The following RFX3 variants were observed in gnomAD, a reference collection of about 807,000 sequenced individuals.
RFX3 encodes the protein regulatory factor X3.
RFX3 carries 14 observed loss-of-function variants against 98.6 expected under a neutral mutation model. The ratio of observed to expected loss-of-function variants is 0.14; its 90% CI spans 0.09 to 0.22. The LOEUF (loss-of-function observed/expected upper bound fraction) is 0.22, where lower values mean the gene tolerates loss of function less well. Among genes scored for constraint, RFX3 ranks in the 10% least tolerant of loss-of-function variants. RFX3 has a pLI of 1.00. For missense variants in RFX3, 639 were observed against 926.9 expected, an observed-to-expected ratio of 0.69 and a Z score of 4.03; for synonymous variants, 383 against 328.4, an observed-to-expected ratio of 1.17 and a Z score of -1.80.
intron 2 of RFX3, among the ~76,000 whole-genome samples, chr9:3,353,888 C>G (rs1236990502): frequency 2.0e-5 from 3 of 151,906 alleles, no homozygotes; most frequent in Admixed American, 6.6e-5. Context: ...AATGAACTAG[C>G]AGGCAGAAAC....
chr9:3,409,195 T>C (rs539425801), intron 1 of RFX3, among the ~76,000 whole-genome samples: 17 of 152,362 alleles, frequency 1.1e-4, no homozygotes, highest in South Asian at 4.1e-4. Context: ...CAAAGTGTTA[T>C]AAATGTTTTG....
At chr9:3,317,868 A>C (rs1830807395) in intron 4 of RFX3, among the ~76,000 whole-genome samples, 1 of 152,168 alleles carries the variant, frequency 6.6e-6, no homozygotes, top group African/African-American at 2.4e-5. Flanking sequence ...AAAGTCAGGA[A>C]ACAACAGGTG....
chr9:3,228,326 G>C (rs899030959), intron 16 of RFX3, among the ~76,000 whole-genome samples: 11 of 152,036 alleles, frequency 7.2e-5, no homozygotes, highest in Non-Finnish European at 1.3e-4. Context: ...CTGTATATTA[G>C]AGTGGCAATG....
At chr9:3,310,576 G>A (rs1262905652) in intron 4 of RFX3, among the ~76,000 whole-genome samples, 1 of 152,082 alleles carries the variant, frequency 6.6e-6, no homozygotes, top group Non-Finnish European at 1.5e-5. Context: ...ATAGTACAAT[G>A]CTTTATGAAT....
At chr9:3,324,071 G>A in intron 4 of RFX3, 1 of 444,400 alleles carries the variant, frequency 2.3e-6, no homozygotes, top group South Asian at 1.7e-5. Context: ...TGTCTGAGGA[G>A]TTTCATTTCA....
In RFX3 at chr9:3,220,104, C is replaced by T. The variant is rs1421841320; in HGVS notation, c.*4938G>A. 6.6e-6 allele frequency: 1 copy of T among 152,162 alleles called. No individual in the cohort carries two copies. Among genetic ancestry groups the T allele is most frequent in the East Asian group, 1.9e-4 (1 of 5,192 alleles). The allele number at this position is 152,162 out of a possible 1,614,324, so 9.4% of individuals were successfully genotyped here. On this transcript the variant is annotated 3_prime_UTR_variant, in exon 17 of 17. Coordinates refer to ENST00000617270, the MANE Select transcript of RFX3 (RefSeq NM_001282116.2). ...AAAATCAAGTGCTTTGCTCTCCATTCTATCTATATATAATTTTTTGACAAC... is the reference window on the plus strand; with the variant it reads ...AAAATCAAGTGCTTTGCTCTCCATTTTATCTATATATAATTTTTTGACAAC...
At chr9:3,288,654 G>A (rs117901136) in intron 6 of RFX3, among the ~76,000 whole-genome samples, 1,840 of 152,076 alleles carry the variant, frequency 0.012, 77 homozygotes, top group East Asian at 0.085. Context: ...AATGGAATAC[G>A]TATTTATTGT....
At chr9:3,358,719 G>A (rs145225410) in intron 2 of RFX3, among the ~76,000 whole-genome samples, 10,780 of 152,000 alleles carry the variant, frequency 0.071, 471 homozygotes, top group African/African-American at 0.12. Context: ...ACCTGAGACT[G>A]GGTAATTTAT....
chr9:3,496,098 G>A (rs1851089885), intron 1 of RFX3, among the ~76,000 whole-genome samples: 1 of 151,938 alleles, frequency 6.6e-6, no homozygotes, highest in Non-Finnish European at 1.5e-5. Context: ...ACATTGTAAG[G>A]TGCTTACACA....
chr9:3,334,107 C>A (rs73381858), intron 3 of RFX3, among the ~76,000 whole-genome samples: 1 of 152,100 alleles, frequency 6.6e-6, no homozygotes, highest in African/African-American at 2.4e-5. Context: ...AAAAAAAGAA[C>A]ATAACTTTTT....
chr9:3,265,329 A>G (rs368214333), intron 12 of RFX3, among the ~76,000 whole-genome samples: 36 of 152,330 alleles, frequency 2.4e-4, no homozygotes, highest in African/African-American at 8.7e-4. Flanking sequence ...GTTGCCTTCT[A>G]TATGTTTTAG....
chr9:3,327,746 T>C (rs1587090095), intron 4 of RFX3, among the ~76,000 whole-genome samples: 1 of 152,118 alleles, frequency 6.6e-6, no homozygotes. Flanking sequence ...TTTTCAACTA[T>C]TCCCAGTTTT....
At chr9:3,399,784 T>TACTAAA (rs1841294563) in intron 1 of RFX3, among the ~76,000 whole-genome samples, 1 of 151,590 alleles carries the variant, frequency 6.6e-6, no homozygotes, top group African/African-American at 2.4e-5. Flanking sequence ...ACCCCGCCTC[T>TACTAAA]ACTAAAATAC....
At chr9:3,291,040 A>G (rs1827263340) in intron 6 of RFX3, among the ~76,000 whole-genome samples, 1 of 152,178 alleles carries the variant, frequency 6.6e-6, no homozygotes, top group Non-Finnish European at 1.5e-5. Context: ...TTATTTTTGA[A>G]GACACAGGGA....
At chr9:3,399,262 C>A (rs1841231162) in intron 1 of RFX3, among the ~76,000 whole-genome samples, 1 of 148,760 alleles carries the variant, frequency 6.7e-6, no homozygotes, top group Admixed American at 6.7e-5. Context: ...CGGTGAAACC[C>A]TGTCTCTGCT....
chr9:3,414,865 T>TAA (rs1309851396), intron 1 of RFX3, among the ~76,000 whole-genome samples: 1 of 137,784 alleles, frequency 7.3e-6, no homozygotes, highest in African/African-American at 2.7e-5. Flanking sequence ...TGAGTATATA[T>TAA]GTATATATAT....
intron 4 of RFX3, among the ~76,000 whole-genome samples, chr9:3,328,672 T>C (rs1832212931): frequency 6.6e-6 from 1 of 152,130 alleles, no homozygotes; most frequent in Non-Finnish European, 1.5e-5. Flanking sequence ...AAAGAGTTTT[T>C]TAAAAATAAA....
At chr9:3,295,831 A>C (rs1827920131) in intron 5 of RFX3, among the ~76,000 whole-genome samples, 1 of 152,076 alleles carries the variant, frequency 6.6e-6, no homozygotes, top group African/African-American at 2.4e-5. Context: ...GGAATTAGTC[A>C]ATCTTATAAT....
At chr9:3,266,373 A>C in intron 11 of RFX3, 68 bp from the exon 12 acceptor site, 1 of 1,001,064 alleles carries the variant, frequency 1.0e-6, no homozygotes. Flanking sequence ...GTGCTAGAAT[A>C]AAAGAAAATG....
Sources: allele counts gnomAD v4.1 joint callset (sites outside exome capture counted in the v4.1 genomes callset), GRCh38; gene constraint gnomAD v4.1.1; transcripts MANE v1.5; gene names NCBI Gene and HGNC (gene_info 2026-07-23, HGNC 2026-07-21).